The following AP3S2 variants were observed in gnomAD, a reference collection of about 807,000 sequenced individuals.
AP3S2 encodes AP-3 complex subunit sigma-2.
In AP3S2, 22 loss-of-function variants were observed where a neutral mutation model predicts 23.4. That is an observed-to-expected ratio of 0.94 (90% CI 0.67 to 1.34). The LOEUF (loss-of-function observed/expected upper bound fraction) is 1.34. Among genes scored for constraint, AP3S2 ranks in the 40% most tolerant of loss-of-function variants. The probability of loss-of-function intolerance (pLI) is 0.00; values close to 1 mark genes in which losing one functional copy is unlikely to be tolerated. For missense variants in AP3S2, 241 were observed against 236.9 expected, an observed-to-expected ratio of 1.02 and a Z score of -0.11; for synonymous variants, 86 against 87.1, an observed-to-expected ratio of 0.99 and a Z score of 0.07.
At chr15:89,864,013 G>A (rs1480159675) in intron 4 of AP3S2, among the ~76,000 whole-genome samples, 8 of 152,186 alleles carry the variant, frequency 5.3e-5, no homozygotes, top group African/African-American at 1.4e-4. Flanking sequence ...GCTGAATAGG[G>A]TAGGATTCTG....
chr15:89,880,376 C>A (rs1193897286), intron 3 of AP3S2, among the ~76,000 whole-genome samples: 1 of 152,094 alleles, frequency 6.6e-6, no homozygotes, highest in Non-Finnish European at 1.5e-5. Context: ...ACTAGTCTTA[C>A]TAGGTATGTG....
At chr15:89,860,048 A>G (rs919092051) in intron 4 of AP3S2, among the ~76,000 whole-genome samples, 1 of 152,182 alleles carries the variant, frequency 6.6e-6, no homozygotes, top group African/African-American at 2.4e-5. Flanking sequence ...TACAGGCATG[A>G]GCCATCATGA....
Position 89,888,555 on chromosome 15 carries a change from G to C in AP3S2, c.239C>G (p.Ser80Ter). 1 of 1,614,168 alleles carries C rather than the reference G, an allele frequency of 6.2e-7. No homozygotes were observed. The highest frequency in any genetic ancestry group is 1.3e-5 in the African/African-American group (1 of 75,040). The change falls in exon 3 of 6, where the codon TCA becomes TGA. Residue 80 changes from serine to a stop codon, truncating the protein, a stop_gained. Coordinates refer to ENST00000336418, the MANE Select transcript of AP3S2 (RefSeq NM_005829.5). LOFTEE classifies it high-confidence loss of function. ...TLYFVFCVDSSESELGILDLI... is the reference protein window; with the variant it reads ...TLYFVFCVDS ...GTCCAAGATTCCAAGTTCACTCTCT[G>C]AGGAATCCACACAAAATACAAAGTA...
At chr15:89,859,226 TTTCC>T (rs1375628696) in intron 4 of AP3S2, among the ~76,000 whole-genome samples, 2 of 151,162 alleles carry the variant, frequency 1.3e-5, no homozygotes, top group Non-Finnish European at 3.0e-5. Context: ...TCTTTCTTTC[TTTCC>T]TTCTTTCTTT....
intron 2 of AP3S2, 47 bp from the exon 3 acceptor site, chr15:89,888,679 C>G (rs1041733931): frequency 1.3e-6 from 2 of 1,565,244 alleles, no homozygotes; most frequent in South Asian, 2.3e-5. Flanking sequence ...TAATTAAACA[C>G]ATCAAAAAGA....
At position 89,837,638 on chromosome 15, in the gene AP3S2, G is replaced by A. The variant is rs750158643; in HGVS notation, c.430C>T (p.Gln144Ter). 2 of 1,614,098 alleles carry A rather than the reference G, an allele frequency of 1.2e-6. No homozygotes were observed. Among genetic ancestry groups the A allele is most frequent in the Admixed American group, 1.7e-5 (1 of 60,006 alleles). ...ACCTCGGATTTCTCCAGCCTGTTTT[G>A]AGCCTCAATCTGAGCCACGATTTCA... ...MNEIVAQIEA[Q>*]NRLEKSEGGL... Residue 144 changes from glutamine (Q) to a stop codon, truncating the protein, a stop_gained, in exon 5 of 6, where the codon CAA becomes TAA. Coordinates refer to ENST00000336418, the MANE Select transcript of AP3S2 (RefSeq NM_005829.5). LOFTEE classifies it high-confidence loss of function.
intron 3 of AP3S2, among the ~76,000 whole-genome samples, chr15:89,872,735 A>G (rs1896350077): frequency 6.6e-6 from 1 of 152,226 alleles, no homozygotes; most frequent in Admixed American, 6.5e-5. Context: ...ACTTGCCATG[A>G]GGAACCAACG....
In AP3S2 at chr15:89,875,429, GAGAAAGAAAACA is replaced by G. The variant is rs565019817; in HGVS notation, c.274-3895_274-3884del. 7.6e-4 allele frequency among the ~76,000 whole-genome samples: 116 copies of G among 152,246 alleles called. No homozygotes were observed. The South Asian group carries it at 0.012, about 16-fold the overall frequency. On this transcript the variant is annotated intron_variant, in intron 3 of 5. Transcript: ENST00000336418. Reference sequence around the variant, plus strand: ...TATTCAAGATCACAATCAAGGTCAAGAGAAAGAAAACAAGAAAGAAAACGAAGGACGAAAACA... The same window carrying G: ...TATTCAAGATCACAATCAAGGTCAAGAGAAAGAAAACGAAGGACGAAAACA...
chr15:89,840,644 T>A (rs1407474827), intron 4 of AP3S2, among the ~76,000 whole-genome samples: 1 of 152,142 alleles, frequency 6.6e-6, no homozygotes. Context: ...GCCAGGCTGG[T>A]CTGGAACTCC....
chr15:89,835,407 C>T lies in AP3S2; in HGVS notation c.*108G>A, dbSNP rs1895163829. 6.5e-7 allele frequency: 1 copy of T among 1,534,858 alleles called. No homozygotes were observed. The highest frequency in any genetic ancestry group is 2.3e-5 in the East Asian group (1 of 44,182). ...TCCCCAGACACAAAGTTTCCAGGTCCTGAGGCTTGACTCTTCTAAGGCTCA... is the reference window on the plus strand; with the variant it reads ...TCCCCAGACACAAAGTTTCCAGGTCTTGAGGCTTGACTCTTCTAAGGCTCA... On this transcript the variant is annotated 3_prime_UTR_variant, in exon 6 of 6. Transcript: ENST00000336418.
intron 4 of AP3S2, among the ~76,000 whole-genome samples, chr15:89,862,090 C>T (rs1365681447): frequency 1.3e-5 from 2 of 152,030 alleles, no homozygotes; most frequent in Admixed American, 6.6e-5. Context: ...TGAATGTGTC[C>T]GGCCAAGGAG....
chr15:89,847,160 T>A (rs1215887891), intron 4 of AP3S2, among the ~76,000 whole-genome samples: 1 of 151,770 alleles, frequency 6.6e-6, no homozygotes, highest in Non-Finnish European at 1.5e-5. Flanking sequence ...GAGGATTGCT[T>A]GAGCCCAGGA....
Position 89,835,590 on chromosome 15 carries a change from G to A in AP3S2, c.507C>T (p.Asn169=), listed in dbSNP as rs754939487. 3 of 1,613,486 alleles carry A rather than the reference G, an allele frequency of 1.9e-6. No homozygotes were observed. The highest frequency in any genetic ancestry group is 2.5e-6 in the Non-Finnish European group (3 of 1,179,940). The change falls in exon 6 of 6, where the codon AAC becomes AAT. Residue 169 remains asparagine, a synonymous_variant. Coordinates refer to ENST00000336418, the MANE Select transcript of AP3S2 (RefSeq NM_005829.5). ...TGATGTTCCGAGGAATCTCTGGCAG[G>A]TTGATGTTTTTCACAGCAGACACAG... The part of the protein sequence containing the change: ...ARAVSAVKNI[N]LPEIPRNINI...
rs374219603 is a variant in AP3S2, at chr15:89,877,963, T to C, written c.274-6417A>G. Among the ~76,000 whole-genome samples the C allele has an allele frequency of 1.1e-4, 17 of 152,316 alleles. 1 individual carries two copies. The highest frequency in any genetic ancestry group is 3.1e-4 in the African/African-American group (13 of 41,572). On this transcript the variant is annotated intron_variant, in intron 3 of 5. Coordinates refer to ENST00000336418, the MANE Select transcript of AP3S2 (RefSeq NM_005829.5). ...GCTTTCACTAAACCTGACAGGACTA[T>C]AGAAGGACAATATTTTTTGGTTCGT...
chr15:89,886,028 A>G (rs535629536), intron 3 of AP3S2, among the ~76,000 whole-genome samples: 1 of 152,070 alleles, frequency 6.6e-6, no homozygotes, highest in African/African-American at 2.4e-5. Flanking sequence ...TACAATGTAC[A>G]CTAAATATTT....
intron 3 of AP3S2, among the ~76,000 whole-genome samples, chr15:89,879,841 C>CA (rs1896529425): frequency 6.6e-6 from 1 of 152,002 alleles, no homozygotes; most frequent in Admixed American, 6.6e-5. Context: ...CTCCTAACCT[C>CA]AAAGTTAGGT....
At chr15:89,878,212 T>C in intron 3 of AP3S2, 1 of 629,456 alleles carries the variant, frequency 1.6e-6, no homozygotes, top group Admixed American at 3.2e-5. Context: ...AAAATGGTTT[T>C]CTCCAAAGGA....
At chr15:89,840,295 A>G (rs1895296827) in intron 4 of AP3S2, among the ~76,000 whole-genome samples, 1 of 152,246 alleles carries the variant, frequency 6.6e-6, no homozygotes, top group Admixed American at 6.5e-5. Context: ...TATTCCTTTT[A>G]TTTAGCCAAT....
intron 4 of AP3S2, among the ~76,000 whole-genome samples, chr15:89,851,434 G>A (rs1027185196): frequency 6.6e-6 from 1 of 151,936 alleles, no homozygotes; most frequent in East Asian, 1.9e-4. Flanking sequence ...CGCCTCCTGC[G>A]TTCAAGCAAT....
Sources: gnomAD v4.1 joint callset for allele counts (sites outside exome capture counted in the v4.1 genomes callset) on GRCh38, gnomAD v4.1.1 for gene constraint, MANE v1.5 for transcripts, NCBI Gene and HGNC (gene_info 2026-07-23, HGNC 2026-07-21) for gene names.